FSIP1: variants seen among roughly 807,000 people sequenced by gnomAD.
FSIP1 encodes the protein fibrous sheath interacting protein 1.
A neutral mutation model predicts 60.9 loss-of-function variants in FSIP1; 65 were observed. The ratio of observed to expected loss-of-function variants is 1.07; its 90% CI spans 0.87 to 1.31. The LOEUF is 1.31. FSIP1 is among the 40% of genes most tolerant of loss of function. The pLI, the probability that FSIP1 is intolerant of heterozygous loss-of-function variation, is 0.00. For synonymous variants in FSIP1, 209 were observed against 221.2 expected, an observed-to-expected ratio of 0.94 and a Z score of 0.49; for missense variants, 675 against 665.5, an observed-to-expected ratio of 1.01 and a Z score of -0.16.
At chr15:39,624,804 G>A (rs1891572597) in intron 10 of FSIP1, among the ~76,000 whole-genome samples, 2 of 152,194 alleles carry the variant, frequency 1.3e-5, no homozygotes, top group Admixed American at 6.5e-5. Flanking sequence ...GTCAGAGGCT[G>A]TCTGGCCAGA....
At chr15:39,764,673 G>C (rs574633624) in intron 4 of FSIP1, among the ~76,000 whole-genome samples, 1 of 152,084 alleles carries the variant, frequency 6.6e-6, no homozygotes, top group Non-Finnish European at 1.5e-5. Flanking sequence ...TAGAGAATAA[G>C]AGGTCCAAGA....
At chr15:39,605,360 T>C (rs1336322415) in intron 11 of FSIP1, among the ~76,000 whole-genome samples, 2 of 152,198 alleles carry the variant, frequency 1.3e-5, no homozygotes, top group African/African-American at 2.4e-5. Context: ...CCAGATGATC[T>C]TGATACTCAC....
At chr15:39,758,124 CA>C (rs1441036624) in intron 5 of FSIP1, among the ~76,000 whole-genome samples, 1 of 152,080 alleles carries the variant, frequency 6.6e-6, no homozygotes, top group Non-Finnish European at 1.5e-5. Context: ...ACAGCAGTCA[CA>C]TAACTCCAGA....
chr15:39,770,353 C>A (rs530649634), intron 3 of FSIP1, 74 bp downstream of exon 3: 631 of 1,155,270 alleles, frequency 5.5e-4, no homozygotes, highest in Non-Finnish European at 6.9e-4. Flanking sequence ...AATACTAACA[C>A]CTTAAATATA....
chr15:39,748,679 G>A (rs1897072480), intron 5 of FSIP1, among the ~76,000 whole-genome samples: 1 of 151,984 alleles, frequency 6.6e-6, no homozygotes, highest in African/African-American at 2.4e-5. Context: ...GTTCTAAGAG[G>A]GAAGTTTACA....
In FSIP1 at chr15:39,647,452, G is replaced by C. The variant is rs182719510; in HGVS notation, c.1189-29207C>G. ...AAAAGCCCTGTGGATGCATCATCTG[G>C]GGTTTATTCCACTTGACATATGAGA... On this transcript the variant is annotated intron_variant, in intron 10 of 11. Coordinates refer to ENST00000350221, the MANE Select transcript of FSIP1 (RefSeq NM_152597.5). Among the ~76,000 whole-genome samples the C allele has an allele frequency of 2.1e-3, 326 of 152,186 alleles. 1 individual carries two copies. Among genetic ancestry groups the C allele is most frequent in the African/African-American group, 6.8e-3 (284 of 41,502 alleles).
chr15:39,699,690 C>A (rs912781749), intron 10 of FSIP1, among the ~76,000 whole-genome samples: 1 of 152,142 alleles, frequency 6.6e-6, no homozygotes, highest in Non-Finnish European at 1.5e-5. Context: ...GAAAGCAGAC[C>A]TCCAATGTGA....
chr15:39,689,391 C>T (rs565904717), intron 10 of FSIP1, among the ~76,000 whole-genome samples: 68 of 152,216 alleles, frequency 4.5e-4, no homozygotes, highest in Non-Finnish European at 8.8e-4. Context: ...AGACCCTCTC[C>T]CCTCCCTGGA....
At chr15:39,612,175 T>C (rs1412209105) in intron 11 of FSIP1, among the ~76,000 whole-genome samples, 3 of 152,180 alleles carry the variant, frequency 2.0e-5, no homozygotes, top group Non-Finnish European at 1.5e-5. Context: ...CACATTCATA[T>C]ACAAAACATC....
chr15:39,726,874 A>G (rs367714302), intron 8 of FSIP1, 127 bp from the exon 9 acceptor site: 2 of 557,176 alleles, frequency 3.6e-6, no homozygotes, highest in Non-Finnish European at 6.1e-6. Flanking sequence ...CACACACACA[A>G]CACACACAAA....
At chr15:39,777,299 G>C (rs1342926231) in intron 1 of FSIP1, among the ~76,000 whole-genome samples, 1 of 151,898 alleles carries the variant, frequency 6.6e-6, no homozygotes, top group Non-Finnish European at 1.5e-5. Context: ...TCTCCCCCGT[G>C]GGGCTGCATT....
intron 10 of FSIP1, among the ~76,000 whole-genome samples, chr15:39,647,498 C>T (rs1892666969): frequency 6.6e-6 from 1 of 152,116 alleles, no homozygotes; most frequent in Non-Finnish European, 1.5e-5. Context: ...TGGTAGGGCT[C>T]AGGTATCCAC....
chr15:39,765,245 T>C lies in FSIP1; in HGVS notation c.465+347A>G, dbSNP rs946447608. Reference sequence around the variant, plus strand: ...TCATCTTAGAGGAAATTCTTTCTTTTTTTTTTTTTTTTTTTTGAGTGTCTT... The same window carrying C: ...TCATCTTAGAGGAAATTCTTTCTTTCTTTTTTTTTTTTTTTTGAGTGTCTT... On this transcript the variant is annotated intron_variant, in intron 4 of 11. Coordinates refer to ENST00000350221, the MANE Select transcript of FSIP1 (RefSeq NM_152597.5). Among the ~76,000 whole-genome samples, 1,100 of 147,096 alleles carry C rather than the reference T, an allele frequency of 7.5e-3. 13 individuals are homozygous for C. The highest frequency in any genetic ancestry group is 0.026 in the African/African-American group (1,035 of 39,768).
At chr15:39,707,763 C>G (rs1004793431) in intron 10 of FSIP1, among the ~76,000 whole-genome samples, 1 of 152,096 alleles carries the variant, frequency 6.6e-6, no homozygotes, top group Non-Finnish European at 1.5e-5. Context: ...AATTGAAGCA[C>G]ATTGGGCTCA....
intron 10 of FSIP1, among the ~76,000 whole-genome samples, chr15:39,658,635 C>T (rs1201233439): frequency 6.6e-6 from 1 of 152,162 alleles, no homozygotes; most frequent in Non-Finnish European, 1.5e-5. Context: ...GAATGTTGTA[C>T]TAAGATAAGA....
intron 10 of FSIP1, among the ~76,000 whole-genome samples, chr15:39,625,456 G>GTGCTTTCTAACAGGGTGACTT (rs1026680458): frequency 3.3e-5 from 5 of 152,188 alleles, no homozygotes; most frequent in African/African-American, 7.2e-5. Flanking sequence ...GAGCCAGACT[G>GTGCTTTCTAACAGGGTGACTT]TGCTTTCTAA....
intron 11 of FSIP1, among the ~76,000 whole-genome samples, chr15:39,610,424 G>A (rs1481156058): frequency 6.6e-6 from 1 of 152,196 alleles, no homozygotes; most frequent in Non-Finnish European, 1.5e-5. Context: ...GCTCATGCCT[G>A]TAATCCCAGC....
rs759003194 is a variant in FSIP1 at position 39,765,685 on chromosome 15, T to C, written c.372A>G (p.Lys124=). ...GTTTCTTTGCCAATATTTTATCAAGTTTTTTCATCTTCTGAATAGCATCTT... is the reference window on the plus strand; with the variant it reads ...GTTTCTTTGCCAATATTTTATCAAGCTTTTTCATCTTCTGAATAGCATCTT... ...QLQDAIQKMK[K]LDKILAKKQR... is the part of the protein sequence containing the mutation. Residue 124 remains lysine (K), a synonymous_variant, in exon 4 of 12, where the codon AAA becomes AAG. Transcript: ENST00000350221. The C allele has an allele frequency of 6.3e-7, 1 of 1,585,042 alleles. No homozygotes were observed. Among genetic ancestry groups the C allele is most frequent in the Non-Finnish European group, 8.6e-7 (1 of 1,156,792 alleles).
intron 10 of FSIP1, among the ~76,000 whole-genome samples, chr15:39,696,483 T>C (rs1894817404): frequency 6.6e-6 from 1 of 152,158 alleles, no homozygotes; most frequent in South Asian, 2.1e-4. Context: ...ACTAACACTA[T>C]AGGTATAGCA....
Sources: allele counts gnomAD v4.1 joint callset (sites outside exome capture counted in the v4.1 genomes callset), GRCh38; gene constraint gnomAD v4.1.1; transcripts MANE v1.5; gene names NCBI Gene and HGNC (gene_info 2026-07-23, HGNC 2026-07-21).